The following ATP2C1 variants were observed in gnomAD, a reference collection of about 807,000 sequenced individuals.
ATP2C1 encodes the protein calcium-transporting ATPase type 2C member 1.
A neutral mutation model predicts 120.5 loss-of-function variants in ATP2C1; 31 were observed. That is an observed-to-expected ratio of 0.26 (90% confidence interval 0.19 to 0.35). The LOEUF (loss-of-function observed/expected upper bound fraction) is 0.35, where lower values mean the gene tolerates loss of function less well. Among genes scored for constraint, ATP2C1 ranks in the 10% least tolerant of loss-of-function variants. ATP2C1 has a pLI of 1.00. For missense variants in ATP2C1, 731 were observed against 1,107.5 expected (o/e 0.66, Z 4.83); for synonymous variants, 351 against 358.7 (o/e 0.98, Z 0.24).
chr3:130,917,484 A>G (rs1301557150), intron 2 of ATP2C1, among the ~76,000 whole-genome samples: 2 of 152,236 alleles, frequency 1.3e-5, no homozygotes, highest in African/African-American at 4.8e-5. Context: ...AACACATAAC[A>G]GCTGGGAATG....
intron 2 of ATP2C1, among the ~76,000 whole-genome samples, chr3:130,924,071 C>T (rs916680142): frequency 4.6e-5 from 7 of 151,632 alleles, no homozygotes; most frequent in African/African-American, 1.7e-4. Flanking sequence ...TTATATTCAA[C>T]GTGAGTATTT....
chr3:131,000,088 ATGTC>A (rs2062814085), intron 27 of ATP2C1, among the ~76,000 whole-genome samples: 1 of 152,200 alleles, frequency 6.6e-6, no homozygotes, highest in Non-Finnish European at 1.5e-5. Context: ...ATTTCACAAA[ATGTC>A]AGTCTGACCA....
At chr3:130,922,830 T>C (rs2059028181) in intron 2 of ATP2C1, among the ~76,000 whole-genome samples, 1 of 152,276 alleles carries the variant, frequency 6.6e-6, no homozygotes, top group African/African-American at 2.4e-5. Flanking sequence ...ATACTTCATA[T>C]AATTTCAGTT....
intron 1 of ATP2C1, among the ~76,000 whole-genome samples, chr3:130,853,672 C>T (rs2067747659): frequency 6.6e-6 from 1 of 152,166 alleles, no homozygotes; most frequent in Non-Finnish European, 1.5e-5. Context: ...AGAATGAAGT[C>T]TTCCTTTTCC....
At chr3:130,896,517 A>G (rs143621677) in intron 2 of ATP2C1, among the ~76,000 whole-genome samples, 70 of 152,270 alleles carry the variant, frequency 4.6e-4, no homozygotes, top group African/African-American at 1.5e-3. Flanking sequence ...AAGAGCCTGT[A>G]TATAGCCTAG....
chr3:130,884,926 CTTTCT>C (rs1327682425), intron 1 of ATP2C1, among the ~76,000 whole-genome samples: 1 of 123,904 alleles, frequency 8.1e-6, no homozygotes, highest in Non-Finnish European at 1.7e-5. Context: ...TCTTTCTTTT[CTTTCT>C]TTTTTTTTTT....
At chr3:130,881,408 G>A (rs1344495875) in intron 1 of ATP2C1, among the ~76,000 whole-genome samples, 2 of 150,838 alleles carry the variant, frequency 1.3e-5, no homozygotes, top group Non-Finnish European at 2.9e-5. Flanking sequence ...ATCCAGGCTG[G>A]AGCGCAGTGG....
chr3:130,983,711 C>T (rs1183869520), intron 20 of ATP2C1, among the ~76,000 whole-genome samples: 1 of 152,206 alleles, frequency 6.6e-6, no homozygotes, highest in Non-Finnish European at 1.5e-5. Flanking sequence ...GATCTTTTTA[C>T]TGTCTCTGTA....
chr3:130,945,323 T>A (rs1032355186), intron 8 of ATP2C1, among the ~76,000 whole-genome samples: 8 of 152,220 alleles, frequency 5.3e-5, no homozygotes, highest in Non-Finnish European at 1.5e-5. Context: ...TGACTATGTA[T>A]GCCTGGATAA....
chr3:130,933,851 T>C (rs925733234), intron 4 of ATP2C1, among the ~76,000 whole-genome samples: 1 of 152,200 alleles, frequency 6.6e-6, no homozygotes, highest in Non-Finnish European at 1.5e-5. Context: ...GGTGGTGGCA[T>C]GTAACCTCAG....
intron 26 of ATP2C1, among the ~76,000 whole-genome samples, chr3:131,008,450 A>G (rs920270204): frequency 2.6e-5 from 4 of 151,880 alleles, no homozygotes; most frequent in Non-Finnish European, 4.4e-5. Flanking sequence ...AGGAAAGAAA[A>G]GAAAAACTGT....
chr3:130,892,371 C>T (rs1381082821), upstream of ATP2C1, among the ~76,000 whole-genome samples: 4 of 152,200 alleles, frequency 2.6e-5, no homozygotes, highest in Admixed American at 2.0e-4. Flanking sequence ...TACGAGAGAT[C>T]ACAATCATTG....
At chr3:130,992,504 G>C (rs945453348) in intron 20 of ATP2C1, among the ~76,000 whole-genome samples, 3 of 152,200 alleles carry the variant, frequency 2.0e-5, no homozygotes, top group Non-Finnish European at 2.9e-5. Flanking sequence ...AAAAGGGAAT[G>C]AGCAGACACT....
At chr3:130,982,954 C>G (rs1197792492) in intron 20 of ATP2C1, among the ~76,000 whole-genome samples, 3 of 152,124 alleles carry the variant, frequency 2.0e-5, no homozygotes, top group African/African-American at 7.2e-5. Context: ...CTGGTTGCTA[C>G]TTTATACTGT....
chr3:130,948,391 T>C (rs1404581630), intron 8 of ATP2C1, among the ~76,000 whole-genome samples: 1 of 152,156 alleles, frequency 6.6e-6, no homozygotes, highest in Non-Finnish European at 1.5e-5. Context: ...TTTTGGCCTC[T>C]GTGGTTTCTG....
intron 2 of ATP2C1, chr3:130,914,322 TG>T (rs1392470123): frequency 5.3e-5 from 8 of 151,376 alleles, no homozygotes; most frequent in African/African-American, 1.7e-4. Context: ...TTTTTTTGTT[TG>T]TTTTTTTTTT....
chr3:130,936,795 C>T (rs925699963), intron 5 of ATP2C1, among the ~76,000 whole-genome samples: 1 of 109,926 alleles, frequency 9.1e-6, no homozygotes, highest in African/African-American at 3.3e-5. Context: ...CCAGCCTGGG[C>T]AATAGAGCAA....
At chr3:130,980,919 C>T (rs1240930664) in intron 20 of ATP2C1, among the ~76,000 whole-genome samples, 1 of 152,104 alleles carries the variant, frequency 6.6e-6, no homozygotes, top group Non-Finnish European at 1.5e-5. Flanking sequence ...AACCAGATTT[C>T]CTCTGAGAAA....
At chr3:130,858,292 C>T (rs2067908631) in intron 1 of ATP2C1, among the ~76,000 whole-genome samples, 1 of 152,168 alleles carries the variant, frequency 6.6e-6, no homozygotes, top group Non-Finnish European at 1.5e-5. Flanking sequence ...TCAATATTAA[C>T]CATCACACCC....
Sources: gnomAD v4.1 joint callset for allele counts (sites outside exome capture counted in the v4.1 genomes callset) on GRCh38, gnomAD v4.1.1 for gene constraint, MANE v1.5 for transcripts, NCBI Gene and HGNC (gene_info 2026-07-23, HGNC 2026-07-21) for gene names.